Variants in PRKG1 observed in about 807,000 individuals in gnomAD.
The protein encoded by PRKG1 is cGMP-dependent protein kinase 1.
Under a neutral mutation model 88.1 loss-of-function variants are expected in PRKG1, and 35 were observed. The ratio of observed to expected loss-of-function variants is 0.40; its 90% CI spans 0.30 to 0.53. PRKG1 has a LOEUF of 0.53. PRKG1 is among the 20% of genes least tolerant of loss of function. The probability of loss-of-function intolerance (pLI) is 0.59; values close to 1 mark genes in which losing one functional copy is unlikely to be tolerated. For synonymous variants in PRKG1, 303 were observed against 292.5 expected, an observed-to-expected ratio of 1.04 and a Z score of -0.37; for missense variants, 540 against 839.8, an observed-to-expected ratio of 0.64 and a Z score of 4.41.
intron 5 of PRKG1, among the ~76,000 whole-genome samples, chr10:52,010,892 T>G (rs1364184602): frequency 6.6e-6 from 1 of 152,222 alleles, no homozygotes; most frequent in Non-Finnish European, 1.5e-5. Context: ...GTGATTGTGG[T>G]GCTGAAGCAA....
At chr10:51,970,722 A>C (rs919773192) in intron 5 of PRKG1, among the ~76,000 whole-genome samples, 1 of 125,636 alleles carries the variant, frequency 8.0e-6, no homozygotes, top group Non-Finnish European at 1.5e-5. Context: ...ATATATATAT[A>C]TCAGATATAT....
At chr10:51,918,654 T>G (rs540632035) in intron 5 of PRKG1, among the ~76,000 whole-genome samples, 1 of 152,292 alleles carries the variant, frequency 6.6e-6, no homozygotes, top group Admixed American at 6.5e-5. Flanking sequence ...TTATGGGGTT[T>G]GTAAACAAAT....
intron 3 of PRKG1, among the ~76,000 whole-genome samples, chr10:51,761,908 A>C (rs1319805996): frequency 6.6e-6 from 1 of 152,238 alleles, no homozygotes; most frequent in Non-Finnish European, 1.5e-5. Flanking sequence ...TGTTTTTAAA[A>C]AAGATTTTTA....
chr10:51,305,240 G>T (rs1441832068), intron 2 of PRKG1, among the ~76,000 whole-genome samples: 1 of 152,068 alleles, frequency 6.6e-6, no homozygotes, highest in South Asian at 2.1e-4. Context: ...GAGCACAATG[G>T]CACTCTTCTC....
chr10:51,429,287 A>C (rs949204048), intron 2 of PRKG1, among the ~76,000 whole-genome samples: 1 of 152,212 alleles, frequency 6.6e-6, no homozygotes, highest in Admixed American at 6.5e-5. Context: ...AAACACCCTC[A>C]TGGGGAGAGA....
chr10:52,207,959 TCCTTCTTGGTCGC>T (rs1343937402), intron 9 of PRKG1, among the ~76,000 whole-genome samples: 1 of 152,160 alleles, frequency 6.6e-6, no homozygotes, highest in African/African-American at 2.4e-5. Flanking sequence ...CATCTAGTAG[TCCTTCTTGGTCGC>T]CCTTCCATCT....
chr10:51,054,191 C>T (rs1259384832), intron 1 of PRKG1, among the ~76,000 whole-genome samples: 1 of 151,868 alleles, frequency 6.6e-6, no homozygotes, highest in Non-Finnish European at 1.5e-5. Flanking sequence ...CATTTATTTC[C>T]CCACAAATTT....
intron 4 of PRKG1, 75 bp downstream of exon 4, chr10:51,804,765 A>C: frequency 9.7e-7 from 1 of 1,035,934 alleles, no homozygotes; most frequent in Non-Finnish European, 1.5e-6. Context: ...CAGCACCCTG[A>C]ATTTCAGGGT....
chr10:51,475,667 G>A (rs1413720300), intron 3 of PRKG1, among the ~76,000 whole-genome samples: 1 of 151,946 alleles, frequency 6.6e-6, no homozygotes, highest in Non-Finnish European at 1.5e-5. Context: ...TTAGTAAAGA[G>A]TACCAGCTTT....
intron 9 of PRKG1, among the ~76,000 whole-genome samples, chr10:52,201,594 C>T (rs1488779965): frequency 6.6e-6 from 1 of 152,072 alleles, no homozygotes; most frequent in African/African-American, 2.4e-5. Context: ...TGAAGAATAT[C>T]ATTGGTAGTT....
intron 5 of PRKG1, among the ~76,000 whole-genome samples, chr10:51,926,626 G>A (rs949466822): frequency 1.1e-4 from 16 of 151,986 alleles, no homozygotes; most frequent in South Asian, 6.2e-4. Flanking sequence ...TTTTTCCAGC[G>A]GCTAGAATTG....
chr10:51,251,015 A>G (rs1422952820), intron 2 of PRKG1, among the ~76,000 whole-genome samples: 1 of 151,680 alleles, frequency 6.6e-6, no homozygotes, highest in African/African-American at 2.4e-5. Context: ...AACTCTACAG[A>G]CAGATTTTAC....
intron 5 of PRKG1, among the ~76,000 whole-genome samples, chr10:51,942,515 G>A (rs1470019231): frequency 1.3e-5 from 2 of 150,988 alleles, no homozygotes; most frequent in African/African-American, 4.9e-5. Context: ...TTTTAGACTT[G>A]AAGTCCTTGC....
intron 4 of PRKG1, among the ~76,000 whole-genome samples, chr10:51,840,337 T>C (rs1840239958): frequency 1.3e-5 from 2 of 152,254 alleles, no homozygotes; most frequent in South Asian, 4.1e-4. Flanking sequence ...TTAAAAGATT[T>C]GTTGTGTTCT....
At chr10:51,874,538 C>T (rs976449514) in intron 4 of PRKG1, among the ~76,000 whole-genome samples, 3 of 152,046 alleles carry the variant, frequency 2.0e-5, no homozygotes, top group Non-Finnish European at 4.4e-5. Context: ...TTGAAATGTT[C>T]GTGCTTTTTT....
chr10:52,133,718 C>A, intron 7 of PRKG1, 122 bp from the exon 8 acceptor site: 1 of 754,284 alleles, frequency 1.3e-6, no homozygotes, highest in Non-Finnish European at 2.1e-6. Flanking sequence ...AAAGCTTAAG[C>A]CTGGAGGTGG....
chr10:51,900,637 G>A (rs1041531200), intron 4 of PRKG1, among the ~76,000 whole-genome samples: 2 of 152,098 alleles, frequency 1.3e-5, no homozygotes, highest in African/African-American at 4.8e-5. Flanking sequence ...GCAGATAAAA[G>A]TTTTCTGAAG....
At chr10:51,003,072 T>C (rs1047513244) in intron 1 of PRKG1, among the ~76,000 whole-genome samples, 1 of 152,080 alleles carries the variant, frequency 6.6e-6, no homozygotes, top group Non-Finnish European at 1.5e-5. Flanking sequence ...TTTCCTAGGT[T>C]AGGAAAAAAA....
chr10:51,359,998 C>T (rs1442480586), intron 2 of PRKG1, among the ~76,000 whole-genome samples: 4 of 151,878 alleles, frequency 2.6e-5, no homozygotes, highest in Admixed American at 2.0e-4. Context: ...CAGAAAATTG[C>T]TCAGGGGTTT....
Sources: allele counts gnomAD v4.1 joint callset (sites outside exome capture counted in the v4.1 genomes callset), GRCh38; gene constraint gnomAD v4.1.1; transcripts MANE v1.5; gene names NCBI Gene and HGNC (gene_info 2026-07-23, HGNC 2026-07-21).